The following MLF1 variants were observed in gnomAD, a reference collection of about 807,000 sequenced individuals.
MLF1 encodes myelodysplasia-myeloid leukemia factor 1.
MLF1 carries 37 observed loss-of-function variants against 38.3 expected under a neutral mutation model. That is an observed-to-expected ratio of 0.96 (90% CI 0.74 to 1.27). MLF1 has a LOEUF of 1.27. Ranked by LOEUF, MLF1 falls within the 50% of genes most tolerant of loss-of-function variation. The pLI, the probability that MLF1 is intolerant of heterozygous loss-of-function variation, is 0.00. For missense variants in MLF1, 331 were observed against 349.2 expected (o/e 0.95, Z 0.42); for synonymous variants, 95 against 106.5 (o/e 0.89, Z 0.66).
At chr3:158,593,825 C>CTT (rs1327545091) in intron 3 of MLF1, among the ~76,000 whole-genome samples, 2 of 152,040 alleles carry the variant, frequency 1.3e-5, no homozygotes, top group African/African-American at 2.4e-5. Flanking sequence ...AGATTAACTG[C>CTT]TTTCTCTAGG....
chr3:158,596,772 GAAA>G (rs1296966135), intron 3 of MLF1, 87 bp from the exon 4 acceptor site: 1 of 731,688 alleles, frequency 1.4e-6, no homozygotes, highest in Admixed American at 2.8e-5. Context: ...AAATGAATTG[GAAA>G]AAAATGTTTT....
intron 1 of MLF1, chr3:158,583,012 A>AT: frequency 1.8e-6 from 1 of 563,726 alleles, no homozygotes; most frequent in Non-Finnish European, 3.1e-6. Flanking sequence ...GCACACACAC[A>AT]TTTAATGGAT....
At chr3:158,573,804 C>T (rs1714947220) in intron 1 of MLF1, among the ~76,000 whole-genome samples, 1 of 133,674 alleles carries the variant, frequency 7.5e-6, no homozygotes, top group Non-Finnish European at 1.7e-5. Flanking sequence ...GTGTGTTGTG[C>T]GTCTGTGTTT....
chr3:158,601,914 T>TCAC (rs1352134002), intron 6 of MLF1, among the ~76,000 whole-genome samples: 2 of 147,168 alleles, frequency 1.4e-5, no homozygotes, highest in Non-Finnish European at 3.0e-5. Flanking sequence ...CCTCCCAGGT[T>TCAC]CACGCCATTC....
intron 3 of MLF1, among the ~76,000 whole-genome samples, chr3:158,593,627 A>G (rs1412305051): frequency 1.3e-5 from 2 of 152,202 alleles, no homozygotes. Context: ...TCATTTCAAC[A>G]TATATAAAAT....
intron 1 of MLF1, among the ~76,000 whole-genome samples, chr3:158,572,180 G>A: frequency 8.4e-6 from 1 of 118,686 alleles, no homozygotes; most frequent in African/African-American, 3.3e-5. Flanking sequence ...AGGAGGATTT[G>A]GGAGCATGAG....
At chr3:158,604,952 G>C in intron 7 of MLF1, 145 bp from the exon 8 acceptor site, 1 of 633,734 alleles carries the variant, frequency 1.6e-6, no homozygotes, top group Non-Finnish European at 2.7e-6. Context: ...CACCGCACCT[G>C]GCCAGCCTTG....
rs1184013978 is a variant in MLF1, at chr3:158,605,502, A to G, written c.*300A>G. On this transcript the variant is annotated 3_prime_UTR_variant, in exon 8 of 8. Coordinates refer to ENST00000466246, the MANE Select transcript of MLF1 (RefSeq NM_001369783.1). ...CCCCAGTTGTTTTTGTGTTGGCTAA[A>G]TATTCTTTTATATTTATCAAGATTG... is the stretch of plus-strand genomic sequence containing the variant. The G allele has an allele frequency of 1.6e-5, 4 of 244,874 alleles. No individual in the cohort carries two copies. Among genetic ancestry groups the G allele is most frequent in the Non-Finnish European group, 3.2e-5 (4 of 125,746 alleles). The allele number at this position is 244,874 out of a possible 1,614,324, so 15.2% of individuals were successfully genotyped here. A position where few individuals can be genotyped will look rare whatever the true frequency, so the allele number is the denominator to read the frequency against.
chr3:158,581,428 C>T (rs1716336776), intron 1 of MLF1, among the ~76,000 whole-genome samples: 1 of 152,170 alleles, frequency 6.6e-6, no homozygotes, highest in African/African-American at 2.4e-5. Flanking sequence ...GCCCAGTCTG[C>T]CTGGGGGAAG....
Position 158,592,547 on chromosome 3 carries a change from G to A in MLF1, c.161G>A (p.Arg54His), listed in dbSNP as rs200582831. ...GATGGTAGAGGGAGAGCTCATAATC[G>A]TAGAGGACATAATGATGGTGAAGAT... ...ISDGRGRAHN[R>H]RGHNDGEDSL... Residue 54 changes from arginine (R) to histidine (H), a missense_variant, in exon 2 of 8, where the codon CGT (arginine) becomes CAT (histidine). By Grantham distance (29) the Arg-to-His change is conservative. Transcript: ENST00000466246. The A allele has an allele frequency of 1.1e-5, 17 of 1,611,534 alleles. No individual in the cohort carries two copies. The highest frequency in any genetic ancestry group is 8.9e-5 in the East Asian group (4 of 44,746).
At chr3:158,603,270 G>A (rs1576695499) in intron 7 of MLF1, among the ~76,000 whole-genome samples, 1 of 152,252 alleles carries the variant, frequency 6.6e-6, no homozygotes, top group African/African-American at 2.4e-5. Flanking sequence ...GATATAGATA[G>A]AGTCATACAT....
At chr3:158,600,827 G>GTC (rs201343723) in intron 6 of MLF1, among the ~76,000 whole-genome samples, 1,589 of 151,478 alleles carry the variant, frequency 0.01, 15 homozygotes, top group Non-Finnish European at 0.015. Flanking sequence ...TTACATGTAT[G>GTC]TCTCTCTCTC....
chr3:158,593,385 A>G lies in MLF1; in HGVS notation c.199A>G (p.Thr67Ala), dbSNP rs892597189. The change falls in exon 3 of 8, where the codon ACG becomes GCG. Residue 67 changes from threonine to alanine, a missense_variant. Thr to Ala is a moderately conservative substitution (Grantham distance 58, BLOSUM62 0). Coordinates refer to ENST00000466246, the MANE Select transcript of MLF1 (RefSeq NM_001369783.1). The stretch of plus-strand genomic sequence containing the variant: ...GAATTGGATATTATTTTTCCAGGCA[A>G]CGAGTTGTTCTCTTGTGCCTTTTGG... ...HNDGEDSLTA[T>A]SCSLVPFGDF... 1.5e-5 allele frequency: 24 copies of G among 1,554,512 alleles called. No individual in the cohort carries two copies. The highest frequency in any genetic ancestry group is 1.9e-5 in the Non-Finnish European group (22 of 1,156,066).
At chr3:158,598,366 ACCATTAAAGCT>A (rs973652516) in intron 5 of MLF1, among the ~76,000 whole-genome samples, 158 bp downstream of exon 5, 3 of 151,964 alleles carry the variant, frequency 2.0e-5, no homozygotes, top group Admixed American at 6.6e-5. Context: ...CACTGTGGAA[ACCATTAAAGCT>A]CAACTGTATT....
chr3:158,584,782 T>C (rs891751546), intron 1 of MLF1, among the ~76,000 whole-genome samples: 6 of 151,762 alleles, frequency 4.0e-5, no homozygotes, highest in Admixed American at 1.3e-4. Context: ...CTGTACCACA[T>C]TGCAAGAAGA....
chr3:158,603,814 G>A (rs1036119774), intron 7 of MLF1, among the ~76,000 whole-genome samples: 7 of 152,140 alleles, frequency 4.6e-5, no homozygotes, highest in Non-Finnish European at 8.8e-5. Flanking sequence ...ACTACAGCCT[G>A]AGTGACAGAG....
Position 158,583,728 on chromosome 3 carries a change from T to G in MLF1, c.48-8706T>G, listed in dbSNP as rs551673325. On this transcript the variant is annotated intron_variant, in intron 1 of 7. Transcript: ENST00000466246. The stretch of plus-strand genomic sequence containing the variant: ...TATTCATTTCCTGACATTCATTAAT[T>G]TATTTTATTCTAAATATATTATTTC... Among the ~76,000 whole-genome samples, 24 of 152,316 alleles carry G rather than the reference T, an allele frequency of 1.6e-4. 1 individual carries two copies. Among genetic ancestry groups the G allele is most frequent in the African/African-American group, 5.5e-4 (23 of 41,584 alleles).
chr3:158,575,066 G>C (rs892190420), intron 1 of MLF1, among the ~76,000 whole-genome samples: 1 of 152,036 alleles, frequency 6.6e-6, no homozygotes, highest in African/African-American at 2.4e-5. Flanking sequence ...TCAAGAGTCA[G>C]GGTCAGAAAT....
At chr3:158,572,776 A>G (rs62287933) in intron 1 of MLF1, among the ~76,000 whole-genome samples, 67,099 of 101,666 alleles carry the variant, frequency 0.66, 19,123 homozygotes, top group African/African-American at 0.76. Context: ...GATGGCGTGC[A>G]GTGGGGGGAG....
Sources: allele counts gnomAD v4.1 joint callset (sites outside exome capture counted in the v4.1 genomes callset), GRCh38; gene constraint gnomAD v4.1.1; transcripts MANE v1.5; gene names NCBI Gene and HGNC (gene_info 2026-07-23, HGNC 2026-07-21).